TEX9: variants seen among roughly 807,000 people sequenced by gnomAD.
TEX9 encodes testis-expressed protein 9.
TEX9 carries 74 observed loss-of-function variants against 59.6 expected under a neutral mutation model. The observed-to-expected ratio is 1.24, with a 90% CI of 1.03 to 1.51. The LOEUF (loss-of-function observed/expected upper bound fraction) is 1.51, where lower values mean the gene tolerates loss of function less well. TEX9 is among the 40% of genes most tolerant of loss of function. TEX9 has a pLI of 0.00. For missense variants in TEX9, 522 were observed against 447.8 expected (o/e 1.17, Z -1.49); for synonymous variants, 186 against 152.2 (o/e 1.22, Z -1.64).
At chr15:56,446,782 A>G, downstream of TEX9, 1 of 1,277,740 alleles carries the variant, frequency 7.8e-7, no homozygotes. Context: ...TTTAAGAAAC[A>G]AGTCTAATTT....
chr15:56,304,821 C>G (rs1240084292), intron 1 of TEX9, among the ~76,000 whole-genome samples: 1 of 152,108 alleles, frequency 6.6e-6, no homozygotes, highest in Non-Finnish European at 1.5e-5. Context: ...CTCCTGGGCT[C>G]AAGCCATCCT....
intron 1 of TEX9, among the ~76,000 whole-genome samples, chr15:56,276,380 C>T (rs1386071525): frequency 6.6e-6 from 1 of 152,114 alleles, no homozygotes; most frequent in Non-Finnish European, 1.5e-5. Flanking sequence ...CTCCCTGTGT[C>T]CATGTGTTCT....
At chr15:56,245,130 C>T (rs1467183922) in intron 1 of TEX9, among the ~76,000 whole-genome samples, 1 of 152,154 alleles carries the variant, frequency 6.6e-6, no homozygotes, top group Non-Finnish European at 1.5e-5. Context: ...GGCTCTGCCA[C>T]CTTTTAGACT....
At chr15:56,402,886 C>T (rs922529339) in intron 9 of TEX9, among the ~76,000 whole-genome samples, 19 of 152,216 alleles carry the variant, frequency 1.2e-4, no homozygotes, top group Non-Finnish European at 2.5e-4. Context: ...ACAAAAACCA[C>T]ATGATTATCT....
At chr15:56,292,885 T>G (rs755280523) in intron 1 of TEX9, among the ~76,000 whole-genome samples, 1 of 152,192 alleles carries the variant, frequency 6.6e-6, no homozygotes, top group Non-Finnish European at 1.5e-5. Context: ...TGGCTAGATC[T>G]CAACTTTTCA....
At chr15:56,372,294 A>G (rs2047224259) in intron 2 of TEX9, among the ~76,000 whole-genome samples, 2 of 152,172 alleles carry the variant, frequency 1.3e-5, no homozygotes, top group Admixed American at 1.3e-4. Flanking sequence ...TCAGACTGTT[A>G]AAGGATATGG....
At chr15:56,268,189 T>A (rs568697226) in intron 1 of TEX9, among the ~76,000 whole-genome samples, 1 of 152,346 alleles carries the variant, frequency 6.6e-6, no homozygotes, top group African/African-American at 2.4e-5. Context: ...CCTGAGACTT[T>A]GCTGAAATTG....
At chr15:56,255,451 A>G (rs889442956) in intron 1 of TEX9, among the ~76,000 whole-genome samples, 2 of 152,120 alleles carry the variant, frequency 1.3e-5, no homozygotes, top group African/African-American at 2.4e-5. Flanking sequence ...ATTCCAGTAC[A>G]TGACACATGG....
chr15:56,422,178 C>A (rs1411936818), intron 10 of TEX9, among the ~76,000 whole-genome samples: 1 of 150,142 alleles, frequency 6.7e-6, no homozygotes, highest in African/African-American at 2.5e-5. Context: ...TGCAGCACAC[C>A]AGCATAGCAC....
At chr15:56,304,340 C>T (rs534605264) in intron 1 of TEX9, among the ~76,000 whole-genome samples, 1 of 152,314 alleles carries the variant, frequency 6.6e-6, no homozygotes, top group African/African-American at 2.4e-5. Flanking sequence ...AGAGGAAAGG[C>T]TTTCAGTCTT....
intron 7 of TEX9, among the ~76,000 whole-genome samples, chr15:56,392,857 G>T (rs1320408102): frequency 1.3e-5 from 2 of 152,154 alleles, no homozygotes; most frequent in African/African-American, 4.8e-5. Flanking sequence ...CCATGGCCCT[G>T]TTAGAACTTT....
At chr15:56,373,309 T>C (rs1275366649) in intron 2 of TEX9, 132 bp from the exon 3 acceptor site, 19 of 742,454 alleles carry the variant, frequency 2.6e-5, no homozygotes, top group Non-Finnish European at 1.5e-5. Flanking sequence ...GCTGTGTTCA[T>C]TTTAGAGTAA....
chr15:56,262,242 A>T (rs1279648759), intron 1 of TEX9, among the ~76,000 whole-genome samples: 3 of 152,262 alleles, frequency 2.0e-5, no homozygotes, highest in African/African-American at 7.2e-5. Context: ...ATTTTCACAC[A>T]ACAGGCAAAT....
intron 1 of TEX9, among the ~76,000 whole-genome samples, chr15:56,296,608 A>T (rs1158501103): frequency 1.3e-5 from 2 of 152,308 alleles, no homozygotes; most frequent in East Asian, 3.9e-4. Context: ...TTCACTTTTC[A>T]CTGTGTAAAA....
At chr15:56,459,854 G>T in the TEX9 span, among the ~76,000 whole-genome samples, 1 of 150,526 alleles carries the variant, frequency 6.6e-6, no homozygotes, top group Non-Finnish European at 1.5e-5. Context: ...GCTGGGTGTG[G>T]TGGTGCATGC....
intron 1 of TEX9, among the ~76,000 whole-genome samples, chr15:56,287,158 A>G (rs1349865466): frequency 1.3e-5 from 2 of 152,222 alleles, no homozygotes; most frequent in African/African-American, 4.8e-5. Flanking sequence ...TAGAAAGATT[A>G]TGGTAAAGAA....
At chr15:56,270,358 A>T (rs1220110722) in intron 1 of TEX9, among the ~76,000 whole-genome samples, 1 of 152,176 alleles carries the variant, frequency 6.6e-6, no homozygotes, top group Non-Finnish European at 1.5e-5. Flanking sequence ...TATTTAGGAT[A>T]GTTAGCTCTT....
At chr15:56,311,912 T>TC (rs1270684824) in intron 1 of TEX9, among the ~76,000 whole-genome samples, 428 of 148,498 alleles carry the variant, frequency 2.9e-3, no homozygotes, top group Middle Eastern at 0.011. Context: ...GAGCATTTTT[T>TC]CATGTGTTTT....
intron 1 of TEX9, among the ~76,000 whole-genome samples, chr15:56,356,358 C>G (rs2046684509): frequency 1.3e-5 from 2 of 152,048 alleles, no homozygotes; most frequent in Non-Finnish European, 1.5e-5. Flanking sequence ...TTCTGATAAA[C>G]TCCACAAACT....
Sources: gnomAD v4.1 joint callset for allele counts (sites outside exome capture counted in the v4.1 genomes callset) on GRCh38, gnomAD v4.1.1 for gene constraint, MANE v1.5 for transcripts, NCBI Gene and HGNC (gene_info 2026-07-23, HGNC 2026-07-21) for gene names.